The following ALDH1A2 variants were observed in gnomAD, a reference collection of about 807,000 sequenced individuals.
The protein encoded by ALDH1A2 is retinal dehydrogenase 2.
ALDH1A2 carries 27 observed loss-of-function variants against 60.3 expected under a neutral mutation model. That is an observed-to-expected ratio of 0.45 (90% CI 0.33 to 0.62). The LOEUF is 0.62. Among genes scored for constraint, ALDH1A2 ranks in the 20% least tolerant of loss-of-function variants. The pLI is 0.02. For synonymous variants in ALDH1A2, 289 were observed against 232.4 expected, an observed-to-expected ratio of 1.24 and a Z score of -2.21; for missense variants, 581 against 643.8, an observed-to-expected ratio of 0.90 and a Z score of 1.06.
At chr15:58,009,957 T>C (rs1190289127) in intron 4 of ALDH1A2, among the ~76,000 whole-genome samples, 6 of 152,124 alleles carry the variant, frequency 3.9e-5, no homozygotes, top group Admixed American at 3.3e-4. Flanking sequence ...TAGTCTTCCA[T>C]ACTTTCCCTC....
chr15:57,992,234 T>G (rs1417620560), intron 7 of ALDH1A2, among the ~76,000 whole-genome samples: 1 of 152,172 alleles, frequency 6.6e-6, no homozygotes, highest in African/African-American at 2.4e-5. Context: ...AAATTTACAT[T>G]TACTATCTAG....
chr15:58,014,330 G>A (rs576109035), intron 1 of ALDH1A2, 49 bp from the exon 2 acceptor site: 1 of 1,393,634 alleles, frequency 7.2e-7, no homozygotes, highest in Non-Finnish European at 1.0e-6. Context: ...GTGATAAGCA[G>A]CCAGTCAACG....
chr15:58,027,113 AC>A (rs1430598648), intron 1 of ALDH1A2, among the ~76,000 whole-genome samples: 1 of 151,954 alleles, frequency 6.6e-6, no homozygotes, highest in Non-Finnish European at 1.5e-5. Flanking sequence ...TGACTGGGAG[AC>A]CCTCCCAGTA....
At chr15:58,065,427 G>C in intron 1 of ALDH1A2, 107 bp downstream of exon 1, 1 of 999,432 alleles carries the variant, frequency 1.0e-6, no homozygotes, top group Non-Finnish European at 1.6e-6. Context: ...GGCTGGCCCC[G>C]ACGACCCCGG....
intron 8 of ALDH1A2, chr15:57,964,555 T>C (rs1490821777): frequency 1.3e-5 from 2 of 159,904 alleles, no homozygotes; most frequent in Non-Finnish European, 2.8e-5. Context: ...GGTAAACATG[T>C]CTATATTTTG....
In ALDH1A2 at chr15:57,961,156, T is replaced by C. The variant is rs1236197030; in HGVS notation, c.1390A>G (p.Met464Val). The change falls in exon 11 of 13, where the codon ATG (methionine) becomes GTG (valine). Residue 464 changes from methionine to valine, a missense_variant. Met to Val is a conservative substitution (Grantham distance 21, BLOSUM62 1). Transcript: ENST00000249750. ...INKALTVSSA[M>V]QAGTVWINCY... ...TCTTACCAAACAGTCCCAGCTTGCA[T>C]TGCAGAAGACACTGTGAGGGCCTTG... The C allele has an allele frequency of 6.2e-7, 1 of 1,614,140 alleles. No homozygotes were observed.
chr15:58,000,573 G>A (rs1310309602), intron 4 of ALDH1A2, among the ~76,000 whole-genome samples: 1 of 151,900 alleles, frequency 6.6e-6, no homozygotes, highest in Non-Finnish European at 1.5e-5. Flanking sequence ...TAAAATAACA[G>A]GTTTCATGGG....
chr15:58,017,025 CAG>C (rs1284261516), intron 1 of ALDH1A2, among the ~76,000 whole-genome samples: 8 of 152,226 alleles, frequency 5.3e-5, no homozygotes, highest in African/African-American at 1.9e-4. Flanking sequence ...AAGGCAGAGA[CAG>C]AGCACTTGAG....
At position 57,954,620 on chromosome 15, in the gene ALDH1A2, TG is replaced by T. The variant is rs1248144916; in HGVS notation, c.*576del. 1 of 170,854 alleles carries T rather than the reference TG, an allele frequency of 5.9e-6. No individual in the cohort carries two copies. The highest frequency in any genetic ancestry group is 2.4e-5 in the African/African-American group (1 of 42,006). 10.6% of individuals were successfully genotyped at this position (170,854 alleles called of 1,614,324 possible). A position where few individuals can be genotyped will look rare whatever the true frequency, so the allele number is the denominator to read the frequency against. ...ACTACATCTGTAGTGTACCAGCTCC[TG>T]GCATTTTCATTCTGGTCTGACTCTA... On this transcript the variant is annotated 3_prime_UTR_variant, in exon 13 of 13. Coordinates refer to ENST00000249750, the MANE Select transcript of ALDH1A2 (RefSeq NM_003888.4).
intron 1 of ALDH1A2, among the ~76,000 whole-genome samples, chr15:58,058,853 G>A (rs1032001473): frequency 3.3e-5 from 5 of 152,146 alleles, no homozygotes; most frequent in East Asian, 1.9e-4. Flanking sequence ...AAGTTCACAC[G>A]CAGACATACT....
intron 7 of ALDH1A2, among the ~76,000 whole-genome samples, chr15:57,978,685 G>A (rs749744121): frequency 6.6e-6 from 1 of 152,216 alleles, no homozygotes; most frequent in Non-Finnish European, 1.5e-5. Flanking sequence ...GTGGCCGGGG[G>A]AGATGGAGCA....
At chr15:57,995,764 T>C (rs573072764) in intron 4 of ALDH1A2, among the ~76,000 whole-genome samples, 7 of 152,002 alleles carry the variant, frequency 4.6e-5, no homozygotes, top group African/African-American at 7.2e-5. Context: ...AAACTAGACA[T>C]AGAAATGAGA....
chr15:58,012,301 T>C (rs1281588953), intron 3 of ALDH1A2, among the ~76,000 whole-genome samples: 1 of 152,206 alleles, frequency 6.6e-6, no homozygotes, highest in South Asian at 2.1e-4. Flanking sequence ...CAGTCATTTA[T>C]TGACAACCTA....
intron 4 of ALDH1A2, among the ~76,000 whole-genome samples, chr15:58,004,195 GTAT>G (rs1452418623): frequency 4.0e-5 from 6 of 151,812 alleles, no homozygotes; most frequent in Non-Finnish European, 7.4e-5. Flanking sequence ...AATTAAGCAG[GTAT>G]TTGCTCTCTC....
intron 1 of ALDH1A2, among the ~76,000 whole-genome samples, chr15:58,031,835 G>C (rs376418197): frequency 7.3e-4 from 111 of 152,114 alleles, no homozygotes; most frequent in Middle Eastern, 6.8e-3. Flanking sequence ...GAATGGCGAT[G>C]ATTAAAAAGT....
rs1383241795 is a variant in ALDH1A2 at position 57,963,889 on chromosome 15, G to C, written c.1082C>G (p.Pro361Arg). ...GAATGGTTATGATTTTTCTACCTGG[G>C]GACCCTGCTCAGTGGTGGGGTCAAA... is the stretch of plus-strand genomic sequence containing the variant. ...SPFDPTTEQG[P>R]QIDKKQYNKI... is the part of the protein sequence containing the mutation. Residue 361 changes from proline to arginine, a missense_variant, in exon 9 of 13, where the codon CCC becomes CGC. Around this residue, in one of 2 missense-constraint regions of ALDH1A2, gnomAD observed 375 missense variants for 469.7 expected, o/e 0.80. Coordinates refer to ENST00000249750, the MANE Select transcript of ALDH1A2 (RefSeq NM_003888.4). The C allele has an allele frequency of 6.2e-7, 1 of 1,614,118 alleles. No homozygotes were observed. The highest frequency in any genetic ancestry group is 1.1e-5 in the South Asian group (1 of 91,082).
At chr15:57,993,147 T>A (rs1894950953) in intron 5 of ALDH1A2, 74 bp from the exon 6 acceptor site, 1 of 1,558,166 alleles carries the variant, frequency 6.4e-7, no homozygotes, top group South Asian at 1.1e-5. Flanking sequence ...CTGTGACTTC[T>A]CATATTTCTC....
At chr15:57,981,275 G>C (rs1194289790) in intron 7 of ALDH1A2, among the ~76,000 whole-genome samples, 1 of 144,418 alleles carries the variant, frequency 6.9e-6, no homozygotes, top group Non-Finnish European at 1.5e-5. Context: ...TCCAAGAAGT[G>C]AAATAGAAGA....
intron 1 of ALDH1A2, among the ~76,000 whole-genome samples, chr15:58,037,826 C>A (rs2140551877): frequency 6.6e-6 from 1 of 151,796 alleles, no homozygotes; most frequent in Non-Finnish European, 1.5e-5. Context: ...AGGTCCCTGG[C>A]AACCAGCAGT....
Sources: gnomAD v4.1 joint callset for allele counts (sites outside exome capture counted in the v4.1 genomes callset) on GRCh38, gnomAD v4.1.1 for gene constraint, gnomAD v4.1.1 regional missense constraint, MANE v1.5 for transcripts, NCBI Gene and HGNC (gene_info 2026-07-23, HGNC 2026-07-21) for gene names.